The following EYS variants were observed in gnomAD, a reference collection of about 807,000 sequenced individuals.
EYS encodes EGF-like photoreceptor maintenance factor.
A neutral mutation model predicts 282.1 loss-of-function variants in EYS; 250 were observed. That is an observed-to-expected ratio of 0.89 (90% CI 0.80 to 0.98). The LOEUF is 0.98. Ranked by LOEUF, EYS falls within the 50% of genes least tolerant of loss-of-function variation. The probability of loss-of-function intolerance (pLI) is 0.00; values close to 1 mark genes in which losing one functional copy is unlikely to be tolerated. For missense variants in EYS, 4,016 were observed against 3,709.0 expected, an observed-to-expected ratio of 1.08 and a Z score of -2.15; for synonymous variants, 1,355 against 1,282.9, an observed-to-expected ratio of 1.06 and a Z score of -1.20.
chr6:64,912,560 T>C lies in EYS; in HGVS notation c.2565A>G (p.Leu855=), dbSNP rs922753963. The change falls in exon 16 of 43, where the codon CTA becomes CTG. Residue 855 remains leucine (L), a synonymous_variant. Coordinates refer to ENST00000503581, the MANE Select transcript of EYS (RefSeq NM_001142800.2). ...AGTTGTTTCTGCAAGGGTTATGAAG[T>C]AGGTCACAAAGGTTATAGCGTTGGT... ...FCHQRYNLCD[L]LHNPCRNNST... 8.4e-6 allele frequency: 13 copies of C among 1,551,118 alleles called. No homozygotes were observed. Among genetic ancestry groups the C allele is most frequent in the East Asian group, 2.4e-5 (1 of 40,924 alleles).
At chr6:64,893,290 T>G (rs1417743773) in intron 18 of EYS, among the ~76,000 whole-genome samples, 1 of 152,064 alleles carries the variant, frequency 6.6e-6, no homozygotes, top group African/African-American at 2.4e-5. Flanking sequence ...ATCATGTTAC[T>G]AGAGGTAAGT....
intron 36 of EYS, among the ~76,000 whole-genome samples, chr6:63,847,164 T>C (rs1185457287): frequency 6.6e-6 from 1 of 152,172 alleles, no homozygotes; most frequent in Non-Finnish European, 1.5e-5. Flanking sequence ...TACAGCAAAA[T>C]TGGGATTGTG....
At chr6:64,976,210 T>C (rs112404195) in intron 14 of EYS, among the ~76,000 whole-genome samples, 7 of 152,022 alleles carry the variant, frequency 4.6e-5, no homozygotes, top group African/African-American at 1.7e-4. Flanking sequence ...TGTTCAAATA[T>C]ATTCAACAGC....
intron 28 of EYS, among the ~76,000 whole-genome samples, chr6:64,417,052 A>T (rs1464916370): frequency 6.6e-6 from 1 of 152,160 alleles, no homozygotes; most frequent in African/African-American, 2.4e-5. Flanking sequence ...ATTGTACGGT[A>T]CTGCAATAAT....
intron 12 of EYS, among the ~76,000 whole-genome samples, chr6:65,237,263 T>C (rs1766951920): frequency 6.6e-6 from 1 of 152,176 alleles, no homozygotes; most frequent in African/African-American, 2.4e-5. Flanking sequence ...TTCAAACATA[T>C]ACAAGTCAGG....
chr6:63,872,099 C>T (rs997118054), intron 35 of EYS, among the ~76,000 whole-genome samples: 14 of 152,140 alleles, frequency 9.2e-5, no homozygotes, highest in Non-Finnish European at 1.8e-4. Flanking sequence ...GTTTCATAGA[C>T]GCCCCAGTGG....
intron 14 of EYS, among the ~76,000 whole-genome samples, chr6:64,949,533 G>T (rs1769409057): frequency 6.6e-6 from 1 of 151,748 alleles, no homozygotes; most frequent in Non-Finnish European, 1.5e-5. Context: ...CTCTTGTTTT[G>T]TTAAAGGCCC....
intron 26 of EYS, among the ~76,000 whole-genome samples, chr6:64,461,394 A>T (rs1775740841): frequency 6.6e-6 from 1 of 152,176 alleles, no homozygotes; most frequent in Non-Finnish European, 1.5e-5. Context: ...ATTGATTGTG[A>T]GATGCAGGAG....
At chr6:65,513,501 A>G (rs868268663) in intron 2 of EYS, among the ~76,000 whole-genome samples, 23 of 152,190 alleles carry the variant, frequency 1.5e-4, no homozygotes, top group South Asian at 1.0e-3. Flanking sequence ...AGAGAATTTT[A>G]GACCAATATC....
intron 12 of EYS, among the ~76,000 whole-genome samples, chr6:65,153,743 C>G (rs1374816503): frequency 1.3e-5 from 2 of 151,664 alleles, no homozygotes; most frequent in East Asian, 3.9e-4. Flanking sequence ...AAAAGCATCT[C>G]TCTGGATTTC....
Position 63,756,119 on chromosome 6 carries a change from T to C in EYS, c.8071+6342A>G, listed in dbSNP as rs772824469. Among the ~76,000 whole-genome samples the C allele has an allele frequency of 3.9e-5, 6 of 152,320 alleles. No homozygotes were observed. In the South Asian group the frequency reaches 1.0e-3, roughly 26 times the overall value. ...CTCTTTTCCTAATTGAATACCTTTATTTCTTTCTCTTGCCTGATTGCCCTG... is the reference window on the plus strand; with the variant it reads ...CTCTTTTCCTAATTGAATACCTTTACTTCTTTCTCTTGCCTGATTGCCCTG... On this transcript the variant is annotated intron_variant, in intron 41 of 42. Coordinates refer to ENST00000503581, the MANE Select transcript of EYS (RefSeq NM_001142800.2).
chr6:64,066,121 C>A (rs115768061), intron 33 of EYS, among the ~76,000 whole-genome samples: 1,856 of 152,066 alleles, frequency 0.012, 40 homozygotes, highest in African/African-American at 0.042. Context: ...ACAACAACAA[C>A]AAAAAACTAG....
At chr6:65,166,877 A>C (rs1764985981) in intron 12 of EYS, among the ~76,000 whole-genome samples, 1 of 151,240 alleles carries the variant, frequency 6.6e-6, no homozygotes, top group African/African-American at 2.4e-5. Flanking sequence ...GTGGACAAGG[A>C]ATTTGAAGAT....
chr6:64,576,634 C>A (rs1765890011), intron 26 of EYS, among the ~76,000 whole-genome samples: 1 of 151,870 alleles, frequency 6.6e-6, no homozygotes, highest in East Asian at 1.9e-4. Flanking sequence ...TTGTCTGAAT[C>A]ACAAAAATCT....
intron 13 of EYS, among the ~76,000 whole-genome samples, chr6:65,007,765 G>A (rs374137441): frequency 2.0e-5 from 3 of 152,066 alleles, no homozygotes; most frequent in East Asian, 3.9e-4. Context: ...AGGAGAATTC[G>A]GCCCAGCCAG....
At chr6:63,904,416 C>T (rs529395686) in intron 35 of EYS, among the ~76,000 whole-genome samples, 152 of 152,228 alleles carry the variant, frequency 1.0e-3, no homozygotes, top group African/African-American at 3.6e-3. Flanking sequence ...CCCGATAGCT[C>T]CCAAGATTAG....
intron 1 of EYS, among the ~76,000 whole-genome samples, chr6:65,641,238 C>T (rs899446217): frequency 3.9e-5 from 6 of 152,234 alleles, no homozygotes; most frequent in Non-Finnish European, 7.3e-5. Context: ...GAAGCATCAA[C>T]GCTCAGAGAA....
At chr6:64,224,200 C>G (rs1446521054) in intron 31 of EYS, among the ~76,000 whole-genome samples, 1 of 152,018 alleles carries the variant, frequency 6.6e-6, no homozygotes, top group Non-Finnish European at 1.5e-5. Flanking sequence ...CAAGAGAACA[C>G]AAAGATCTTC....
At chr6:64,510,324 G>A (rs1026993771) in intron 26 of EYS, among the ~76,000 whole-genome samples, 2 of 151,928 alleles carry the variant, frequency 1.3e-5, no homozygotes, top group Non-Finnish European at 2.9e-5. Context: ...TAGCAAAAAT[G>A]TTGAAAATAT....
Sources: allele counts gnomAD v4.1 joint callset (sites outside exome capture counted in the v4.1 genomes callset), GRCh38; gene constraint gnomAD v4.1.1; transcripts MANE v1.5; gene names NCBI Gene and HGNC (gene_info 2026-07-23, HGNC 2026-07-21).